Variants in MACROD2 observed in about 807,000 individuals in gnomAD.
The protein encoded by MACROD2 is ADP-ribose glycohydrolase MACROD2.
A neutral mutation model predicts 70.4 loss-of-function variants in MACROD2; 36 were observed. The ratio of observed to expected loss-of-function variants is 0.51; its 90% CI spans 0.39 to 0.68. The LOEUF (loss-of-function observed/expected upper bound fraction) is 0.68. MACROD2 is among the 30% of genes least tolerant of loss of function. MACROD2 has a pLI of 0.00. For missense variants in MACROD2, 496 were observed against 538.4 expected (o/e 0.92, Z 0.78); for synonymous variants, 172 against 178.8 (o/e 0.96, Z 0.30).
chr20:15,205,347 C>T (rs2076692442), intron 5 of MACROD2, among the ~76,000 whole-genome samples: 1 of 151,860 alleles, frequency 6.6e-6, no homozygotes, highest in South Asian at 2.1e-4. Context: ...AGTGTGAGTC[C>T]AAGTAAACCC....
At chr20:14,131,428 G>A (rs375484225) in intron 3 of MACROD2, among the ~76,000 whole-genome samples, 3 of 152,268 alleles carry the variant, frequency 2.0e-5, no homozygotes, top group African/African-American at 7.2e-5. Flanking sequence ...GTATTTTCAT[G>A]TAAGTCAAAT....
chr20:15,189,917 G>A (rs943181460), intron 5 of MACROD2, among the ~76,000 whole-genome samples: 1 of 151,814 alleles, frequency 6.6e-6, no homozygotes, highest in African/African-American at 2.4e-5. Context: ...CTCTTTTGAA[G>A]GTGCATTAAC....
intron 4 of MACROD2, among the ~76,000 whole-genome samples, chr20:14,526,683 C>T (rs2085237050): frequency 6.6e-6 from 1 of 152,130 alleles, no homozygotes; most frequent in East Asian, 1.9e-4. Flanking sequence ...TTCCCTTGTC[C>T]CCCTCACAGG....
At chr20:14,105,410 A>G (rs2054355976) in intron 3 of MACROD2, among the ~76,000 whole-genome samples, 2 of 152,220 alleles carry the variant, frequency 1.3e-5, no homozygotes, top group South Asian at 2.1e-4. Flanking sequence ...GATCACAGCT[A>G]TGCTGGGCTC....
At chr20:15,357,659 T>A (rs1258978133) in intron 6 of MACROD2, among the ~76,000 whole-genome samples, 3 of 152,160 alleles carry the variant, frequency 2.0e-5, no homozygotes, top group Admixed American at 6.5e-5. Flanking sequence ...TATCCACGTT[T>A]CTTAGAATGT....
At chr20:14,802,388 C>T (rs1190756318) in intron 5 of MACROD2, among the ~76,000 whole-genome samples, 1 of 151,962 alleles carries the variant, frequency 6.6e-6, no homozygotes, top group African/African-American at 2.4e-5. Flanking sequence ...ACTTAAAGAT[C>T]TAGAATGACT....
intron 5 of MACROD2, among the ~76,000 whole-genome samples, chr20:15,019,271 A>G (rs1311407676): frequency 6.6e-6 from 1 of 152,224 alleles, no homozygotes; most frequent in Non-Finnish European, 1.5e-5. Context: ...ATGAGCTTCT[A>G]TTGTGTAAGA....
At chr20:14,606,522 G>T (rs978095346) in intron 4 of MACROD2, among the ~76,000 whole-genome samples, 1 of 152,110 alleles carries the variant, frequency 6.6e-6, no homozygotes, top group Admixed American at 6.6e-5. Context: ...AAAACCCTGA[G>T]CCTGAAAAGC....
chr20:15,034,522 G>A (rs1160758939), intron 5 of MACROD2, among the ~76,000 whole-genome samples: 1 of 152,116 alleles, frequency 6.6e-6, no homozygotes, highest in Non-Finnish European at 1.5e-5. Flanking sequence ...TTGGGGGTGA[G>A]GTGAGGGGAT....
chr20:15,680,593 A>G (rs556062079), intron 8 of MACROD2, among the ~76,000 whole-genome samples: 2 of 152,332 alleles, frequency 1.3e-5, no homozygotes, highest in African/African-American at 2.4e-5. Context: ...CACTGGAGTT[A>G]GCCATTGTGA....
At chr20:15,404,993 C>A (rs904225811) in intron 6 of MACROD2, among the ~76,000 whole-genome samples, 1 of 152,042 alleles carries the variant, frequency 6.6e-6, no homozygotes, top group Non-Finnish European at 1.5e-5. Flanking sequence ...TATGAGTGAA[C>A]CTTAAAAACG....
intron 8 of MACROD2, among the ~76,000 whole-genome samples, chr20:15,534,968 T>TA (rs2047853931): frequency 6.6e-6 from 1 of 152,066 alleles, no homozygotes; most frequent in Non-Finnish European, 1.5e-5. Context: ...AAATCAAATA[T>TA]AAAAAACATA....
At chr20:15,543,679 T>C (rs2146572414) in intron 8 of MACROD2, among the ~76,000 whole-genome samples, 1 of 152,332 alleles carries the variant, frequency 6.6e-6, no homozygotes, top group South Asian at 2.1e-4. Flanking sequence ...GCAAATTATG[T>C]GGCTAAACAC....
chr20:14,872,012 A>T (rs963664170), intron 5 of MACROD2, among the ~76,000 whole-genome samples: 3 of 152,164 alleles, frequency 2.0e-5, no homozygotes, highest in African/African-American at 7.2e-5. Flanking sequence ...TAGCACCCAG[A>T]TTCATAAAGC....
chr20:14,697,044 A>C (rs1236764413), intron 5 of MACROD2, among the ~76,000 whole-genome samples: 6 of 152,036 alleles, frequency 3.9e-5, no homozygotes, highest in Non-Finnish European at 1.5e-5. Context: ...GATTGTGTTC[A>C]GTTTGTGGAG....
At chr20:15,572,390 T>C (rs2048387736) in intron 8 of MACROD2, among the ~76,000 whole-genome samples, 1 of 145,960 alleles carries the variant, frequency 6.9e-6, no homozygotes. Context: ...TAAAATCATC[T>C]TTAAAATTAA....
chr20:15,137,353 T>C (rs1045297297), intron 5 of MACROD2, among the ~76,000 whole-genome samples: 15 of 151,952 alleles, frequency 9.9e-5, no homozygotes, highest in Admixed American at 2.0e-4. Flanking sequence ...ATGTGGCACA[T>C]ATACACCATG....
Position 14,485,427 on chromosome 20 carries a change from C to T in MACROD2, c.272-8052C>T, listed in dbSNP as rs980502439. On this transcript the variant is annotated intron_variant, in intron 3 of 17. Coordinates refer to ENST00000684519, the MANE Select transcript of MACROD2 (RefSeq NM_001351661.2). ...TATTTATAAGAACATGGAGGCCAGG[C>T]GTGGTGGCTCACGCCTGTAATCCCA... is the stretch of plus-strand genomic sequence containing the variant. Among the ~76,000 whole-genome samples the T allele has an allele frequency of 3.3e-5, 5 of 152,104 alleles. No homozygotes were observed. In the East Asian group the frequency reaches 5.8e-4, roughly 18 times the overall value.
chr20:15,679,334 G>A (rs1349029273), intron 8 of MACROD2, among the ~76,000 whole-genome samples: 5 of 151,992 alleles, frequency 3.3e-5, no homozygotes, highest in Admixed American at 3.3e-4. Flanking sequence ...AGGGAAAGAA[G>A]GGTGAGGGGT....
Sources: allele counts gnomAD v4.1 joint callset (sites outside exome capture counted in the v4.1 genomes callset), GRCh38; gene constraint gnomAD v4.1.1; transcripts MANE v1.5; gene names NCBI Gene and HGNC (gene_info 2026-07-23, HGNC 2026-07-21).